WDR27: variants seen among roughly 807,000 people sequenced by gnomAD.
WDR27 encodes the protein WD repeat-containing protein 27.
Under a neutral mutation model 114.4 loss-of-function variants are expected in WDR27, and 100 were observed. The observed-to-expected ratio is 0.87, with a 90% CI of 0.74 to 1.03. The LOEUF is 1.03. Ranked by LOEUF, WDR27 falls within the 50% of genes least tolerant of loss-of-function variation. The probability of loss-of-function intolerance (pLI) is 0.00; values close to 1 mark genes in which losing one functional copy is unlikely to be tolerated. For synonymous variants in WDR27, 449 were observed against 423.1 expected, an observed-to-expected ratio of 1.06 and a Z score of -0.75; for missense variants, 1,129 against 1,092.9, an observed-to-expected ratio of 1.03 and a Z score of -0.47.
downstream of WDR27, among the ~76,000 whole-genome samples, chr6:169,456,881 C>T (rs762840243): frequency 3.3e-5 from 5 of 151,254 alleles, no homozygotes; most frequent in Middle Eastern, 3.2e-3. This position sits in a 1 kb window ranked among gnomAD's most constrained non-coding sequence, Gnocchi z 4.0. Flanking sequence ...GCAGAGGTCA[C>T]GCTTACCACA....
chr6:169,487,571 G>T (rs1349776434), intron 25 of WDR27, among the ~76,000 whole-genome samples: 1 of 152,120 alleles, frequency 6.6e-6, no homozygotes, highest in Non-Finnish European at 1.5e-5. Flanking sequence ...GAAGATATTG[G>T]CATATAACCC....
intron 23 of WDR27, among the ~76,000 whole-genome samples, chr6:169,600,417 C>A (rs1807728294): frequency 4.6e-5 from 7 of 152,180 alleles, no homozygotes; most frequent in Admixed American, 4.6e-4. Context: ...CACTCCTCCT[C>A]CAAAGGAATG....
chr6:169,605,312 T>C (rs1808913667), intron 22 of WDR27, among the ~76,000 whole-genome samples: 1 of 151,780 alleles, frequency 6.6e-6, no homozygotes, highest in Non-Finnish European at 1.5e-5. Context: ...AGCATTTCTA[T>C]ACATCAATAA....
At chr6:169,520,590 G>C (rs939740855) in intron 25 of WDR27, among the ~76,000 whole-genome samples, 5 of 152,112 alleles carry the variant, frequency 3.3e-5, no homozygotes, top group African/African-American at 1.2e-4. Flanking sequence ...ATGATAATGT[G>C]AACTCTCTCA....
intron 21 of WDR27, among the ~76,000 whole-genome samples, chr6:169,631,705 C>A (rs1816438991): frequency 6.6e-6 from 1 of 152,182 alleles, no homozygotes; most frequent in South Asian, 2.1e-4. Context: ...TCATGCTGCA[C>A]CCGTTAAAGT....
At chr6:169,471,884 G>A (rs111847809) in intron 25 of WDR27, among the ~76,000 whole-genome samples, 2,033 of 152,262 alleles carry the variant, frequency 0.013, 45 homozygotes, top group African/African-American at 0.047. Flanking sequence ...AGGGCTGCTC[G>A]CTGCTTCCAA....
At chr6:169,449,109 G>T in the WDR27 span, among the ~76,000 whole-genome samples, 2 of 152,170 alleles carry the variant, frequency 1.3e-5, no homozygotes, top group Non-Finnish European at 2.9e-5. Context: ...TCCAGTCATG[G>T]TTTTTTGGCA....
intron 25 of WDR27, among the ~76,000 whole-genome samples, chr6:169,493,487 A>G (rs1790028003): frequency 6.6e-6 from 1 of 151,960 alleles, no homozygotes; most frequent in African/African-American, 2.4e-5. Flanking sequence ...ATCAAACTTA[A>G]GATGTTCAAA....
intron 2 of WDR27, among the ~76,000 whole-genome samples, chr6:169,686,212 G>C (rs1782913238): frequency 6.6e-6 from 1 of 152,104 alleles, no homozygotes; most frequent in Non-Finnish European, 1.5e-5. Context: ...TATCCGGAAG[G>C]AGAAGGATGA....
chr6:169,582,906 G>A lies in WDR27; in HGVS notation c.2453C>T (p.Thr818Met), dbSNP rs371392327. The A allele has an allele frequency of 1.7e-5, 27 of 1,613,918 alleles. No individual in the cohort carries two copies. The South Asian group carries it at 2.3e-4, about 14-fold the overall frequency. The change falls in exon 24 of 26, where the codon ACG becomes ATG. Residue 818 changes from threonine (T) to methionine (M), a missense_variant. Coordinates refer to ENST00000448612, the MANE Select transcript of WDR27 (RefSeq NM_182552.5). ...GTGCCCAGCCAGCCGGTGAGAAAACGTGCTTGAGCCCATTTCATACACGTA... is the reference window on the plus strand; with the variant it reads ...GTGCCCAGCCAGCCGGTGAGAAAACATGCTTGAGCCCATTTCATACACGTA... ...HAYVYEMGSS[T>M]FSHRLAGHTD...
intron 22 of WDR27, among the ~76,000 whole-genome samples, chr6:169,608,261 G>C (rs917062879): frequency 2.6e-5 from 4 of 152,006 alleles, no homozygotes; most frequent in African/African-American, 9.7e-5. Flanking sequence ...ATTATATCAC[G>C]AAGACACTGT....
chr6:169,697,483 T>C (rs1042465828), intron 1 of WDR27, among the ~76,000 whole-genome samples: 1 of 152,222 alleles, frequency 6.6e-6, no homozygotes, highest in Non-Finnish European at 1.5e-5. Flanking sequence ...CTACCTCTTG[T>C]GGAGGGCCCG....
rs569531178 is a variant in WDR27, at chr6:169,689,588, T to C, written c.-7-576A>G. Among the ~76,000 whole-genome samples, 123 of 152,358 alleles carry C rather than the reference T, an allele frequency of 8.1e-4. 1 individual carries two copies. The highest frequency in any genetic ancestry group is 2.6e-3 in the African/African-American group (110 of 41,590). On this transcript the variant is annotated intron_variant, in intron 1 of 25. Coordinates refer to ENST00000448612, the MANE Select transcript of WDR27 (RefSeq NM_182552.5). ...TCTATAATCAGTGATTCACTGGCTA[T>C]GTTTCGTAAAGCATAAACTAATGAA...
At position 169,570,599 on chromosome 6, in the gene WDR27, C is replaced by T. The variant is rs192754778; in HGVS notation, c.2645+1820G>A. 2.5e-3 allele frequency among the ~76,000 whole-genome samples: 382 copies of T among 152,286 alleles called. 2 individuals carry two copies. Among genetic ancestry groups the T allele is most frequent in the Admixed American group, 6.7e-3 (103 of 15,298 alleles). ...ATCCCAACACTTTGGGAGGCCTAGG[C>T]GGGCGGATCACCTGAGGTCAGGAGT... On this transcript the variant is annotated intron_variant, in intron 25 of 25. Coordinates refer to ENST00000448612, the MANE Select transcript of WDR27 (RefSeq NM_182552.5).
chr6:169,578,175 C>T (rs888597709), intron 24 of WDR27, among the ~76,000 whole-genome samples: 8 of 152,178 alleles, frequency 5.3e-5, no homozygotes, highest in Non-Finnish European at 1.2e-4. Flanking sequence ...AGCTGTAAGG[C>T]GCTCTCCAAC....
intron 25 of WDR27, among the ~76,000 whole-genome samples, chr6:169,476,216 T>C (rs1207744032): frequency 6.6e-6 from 1 of 152,146 alleles, no homozygotes; most frequent in Non-Finnish European, 1.5e-5. Flanking sequence ...TGATGCACCA[T>C]AATCTAAGCC....
the WDR27 span, among the ~76,000 whole-genome samples, chr6:169,432,495 T>C: frequency 6.6e-6 from 1 of 152,184 alleles, no homozygotes; most frequent in Non-Finnish European, 1.5e-5. Flanking sequence ...GGGGCAGTTT[T>C]CTCCATACTG....
rs981929726 is a variant in WDR27, at chr6:169,666,945, A to C, written c.712+191T>G. 24 of 985,320 alleles carry C rather than the reference A, an allele frequency of 2.4e-5. No individual in the cohort carries two copies. In the African/African-American group the frequency reaches 3.3e-4, roughly 14 times the overall value. The allele number at this position is 985,320 out of a possible 1,614,324, so 61.0% of individuals were successfully genotyped here. On this transcript the variant is annotated intron_variant, in intron 6 of 25. Transcript: ENST00000448612. ...AAGCATCCATTTAATTTTAAGTGAA[A>C]AACATCAAGGACATTCACTGTTAAG...
At position 169,638,529 on chromosome 6, in the gene WDR27, T is replaced by C. The variant is rs757718306; in HGVS notation, c.1869+10A>G. The stretch of plus-strand genomic sequence containing the variant: ...AATGACTGCCCATGGCAGAGATGAC[T>C]GTCCATTACCAGAAGCAGTGCGAGC... On this transcript the variant is annotated intron_variant, in intron 18 of 25. Coordinates refer to ENST00000448612, the MANE Select transcript of WDR27 (RefSeq NM_182552.5). 5.6e-6 allele frequency: 9 copies of C among 1,610,682 alleles called. No individual in the cohort carries two copies. Among genetic ancestry groups the C allele is most frequent in the African/African-American group, 5.3e-5 (4 of 74,884 alleles).
Sources: allele counts gnomAD v4.1 joint callset (sites outside exome capture counted in the v4.1 genomes callset), GRCh38; gene constraint gnomAD v4.1.1; non-coding constraint Gnocchi (gnomAD v3.1); transcripts MANE v1.5; gene names NCBI Gene and HGNC (gene_info 2026-07-23, HGNC 2026-07-21).